The following PCDHGB4 variants were observed in gnomAD, a reference collection of about 807,000 sequenced individuals.
PCDHGB4 encodes protocadherin gamma subfamily B, 4, also known as protocadherin gamma-B4.
PCDHGB4 carries 38 observed loss-of-function variants against 60.5 expected under a neutral mutation model. The ratio of observed to expected loss-of-function variants is 0.63; its 90% CI spans 0.48 to 0.82. The LOEUF is 0.82. Among genes scored for constraint, PCDHGB4 ranks in the 40% least tolerant of loss-of-function variants. The probability of loss-of-function intolerance (pLI) is 0.00; values close to 1 mark genes in which losing one functional copy is unlikely to be tolerated. For missense variants in PCDHGB4, 1,109 were observed against 1,209.6 expected, an observed-to-expected ratio of 0.92 and a Z score of 1.23; for synonymous variants, 456 against 509.7, an observed-to-expected ratio of 0.89 and a Z score of 1.42.
At chr5:141,464,931 G>T (rs2099093694) in intron 1 of PCDHGB4, among the ~76,000 whole-genome samples, 1 of 151,942 alleles carries the variant, frequency 6.6e-6, no homozygotes, top group Non-Finnish European at 1.5e-5. Context: ...GTAGAGATGT[G>T]AGGTCTCACT....
intron 1 of PCDHGB4, chr5:141,394,736 C>A: frequency 6.2e-7 from 1 of 1,613,456 alleles, no homozygotes; most frequent in Non-Finnish European, 8.5e-7. Flanking sequence ...TCAAGCAGAG[C>A]CTCGTGGTGG....
intron 1 of PCDHGB4, chr5:141,417,651 A>C: frequency 1.2e-6 from 1 of 822,038 alleles, no homozygotes; most frequent in African/African-American, 1.7e-5. Context: ...CTCAGCCTCT[A>C]GCCTGGGATT....
At chr5:141,414,945 C>G in intron 1 of PCDHGB4, 2 of 1,614,098 alleles carry the variant, frequency 1.2e-6, no homozygotes, top group Non-Finnish European at 8.5e-7. Flanking sequence ...AGCCCGGCTA[C>G]CTGGTGACCA....
chr5:141,410,766 AG>A, intron 1 of PCDHGB4: 1 of 1,032,268 alleles, frequency 9.7e-7, no homozygotes, highest in Non-Finnish European at 1.3e-6. Context: ...TTTCAATTAT[AG>A]TTTTCACTAT....
rs147057088 is a variant in PCDHGB4 at position 141,432,065 on chromosome 5, A to C, written c.2397+41784A>C. 6.2e-7 allele frequency: 1 copy of C among 1,613,930 alleles called. No individual in the cohort carries two copies. Among genetic ancestry groups the C allele is most frequent in the Non-Finnish European group, 8.5e-7 (1 of 1,180,014 alleles). On this transcript the variant is annotated intron_variant, in intron 1 of 3. Coordinates refer to ENST00000519479, the MANE Select transcript of PCDHGB4 (RefSeq NM_003736.4). This position sits in a 1 kb window ranked among gnomAD's most constrained non-coding sequence, Gnocchi z 6.0. ...GGGAACCCCGCCCCTATCCACGGAA[A>C]CTCATATCTCGCTGAACGTGGCAGA...
Position 141,414,833 on chromosome 5 carries a change from G to A in PCDHGB4, c.2397+24552G>A, listed in dbSNP as rs768992312. On this transcript the variant is annotated intron_variant, in intron 1 of 3. Coordinates refer to ENST00000519479, the MANE Select transcript of PCDHGB4 (RefSeq NM_003736.4). ...CCACTCAGCAGCAACGTGTCGTTGAGCCTGTTTGTGCTGGACCAGAACGAC... is the reference window on the plus strand; with the variant it reads ...CCACTCAGCAGCAACGTGTCGTTGAACCTGTTTGTGCTGGACCAGAACGAC... 1.9e-6 allele frequency: 3 copies of A among 1,614,098 alleles called. No homozygotes were observed. In the East Asian group the frequency reaches 6.7e-5, roughly 36 times the overall value.
At chr5:141,426,451 C>A in intron 1 of PCDHGB4, 1 of 308,946 alleles carries the variant, frequency 3.2e-6, no homozygotes, top group South Asian at 3.0e-5. Flanking sequence ...GGACATGCGG[C>A]TGCATGTTCA....
At chr5:141,471,708 T>G (rs1359785951) in intron 1 of PCDHGB4, among the ~76,000 whole-genome samples, 1 of 152,138 alleles carries the variant, frequency 6.6e-6, no homozygotes, top group Non-Finnish European at 1.5e-5. Context: ...GGAATAGAAG[T>G]GCCACTTACC....
At position 141,399,438 on chromosome 5, in the gene PCDHGB4, T is replaced by G; in HGVS notation, c.2397+9157T>G. 3 of 1,613,996 alleles carry G rather than the reference T, an allele frequency of 1.9e-6. No individual in the cohort carries two copies. The South Asian group carries it at 3.3e-5, about 18-fold the overall frequency. On this transcript the variant is annotated intron_variant, in intron 1 of 3. Transcript: ENST00000519479. The stretch of plus-strand genomic sequence containing the variant: ...CCTCCAGCATAAGCGTCATCCTACA[T>G]ATCAGAGACGTCAACGATAACGCTC...
rs959855220 is a variant in PCDHGB4, at chr5:141,476,280, G to A, written c.2398-18527G>A. 4 of 1,614,010 alleles carry A rather than the reference G, an allele frequency of 2.5e-6. No individual in the cohort carries two copies. In the African/African-American group the frequency reaches 5.3e-5, roughly 22 times the overall value. On this transcript the variant is annotated intron_variant, in intron 1 of 3. Transcript: ENST00000519479. This position sits in a 1 kb window ranked among gnomAD's most constrained non-coding sequence, Gnocchi z 7.6. ...GTGGGCAACGTGGTCGCGAACCTTG[G>A]TTTGGATCTCGGTAGCCTCTCAGCC...
chr5:141,457,410 C>G (rs746966828), intron 1 of PCDHGB4, among the ~76,000 whole-genome samples: 1 of 152,182 alleles, frequency 6.6e-6, no homozygotes, highest in Non-Finnish European at 1.5e-5. Context: ...TTTCACATTA[C>G]CCATCCCTTT....
chr5:141,506,870 G>A (rs2099856877), intron 3 of PCDHGB4, among the ~76,000 whole-genome samples: 1 of 152,166 alleles, frequency 6.6e-6, no homozygotes, highest in East Asian at 1.9e-4. Flanking sequence ...GGTGGGTAGA[G>A]AACCAGGTGA....
chr5:141,414,212 A>G (rs778319178), intron 1 of PCDHGB4: 1 of 1,612,944 alleles, frequency 6.2e-7, no homozygotes, highest in Admixed American at 1.7e-5. Flanking sequence ...GATGTAAATG[A>G]CAACAGTCCA....
Position 141,418,145 on chromosome 5 carries a change from T to C in PCDHGB4, c.2397+27864T>C, listed in dbSNP as rs1329322927. On this transcript the variant is annotated intron_variant, in intron 1 of 3. Coordinates refer to ENST00000519479, the MANE Select transcript of PCDHGB4 (RefSeq NM_003736.4). ...GGACCGAATAGACCGTGAGCAAATATGCAAAGAGAGAAGAAGATGTGAGTT... is the reference window on the plus strand; with the variant it reads ...GGACCGAATAGACCGTGAGCAAATACGCAAAGAGAGAAGAAGATGTGAGTT... The C allele has an allele frequency of 5.6e-6, 9 of 1,613,934 alleles. No homozygotes were observed. In the African/African-American group the frequency reaches 8.0e-5, roughly 14 times the overall value.
Position 141,389,226 on chromosome 5 carries a change from C to G in PCDHGB4, c.1342C>G (p.Pro448Ala). 6.2e-7 allele frequency: 1 copy of G among 1,614,064 alleles called. No homozygotes were observed. Among genetic ancestry groups the G allele is most frequent in the Non-Finnish European group, 8.5e-7 (1 of 1,179,908 alleles). The change falls in exon 1 of 4, where the codon CCG becomes GCG. Residue 448 changes from proline (P) to alanine (A), a missense_variant. Pro to Ala is a conservative substitution (Grantham distance 27). Around this residue, in one of 2 missense-constraint regions of PCDHGB4, gnomAD observed 1,068 missense variants for 1,089.9 expected, o/e 0.98. Coordinates refer to ENST00000519479, the MANE Select transcript of PCDHGB4 (RefSeq NM_003736.4). ...CATTGGTGATGTAAATGACAACGCT[C>G]CGGTTTTCTCACAGTCTTCCTATAT... The part of the protein sequence containing the change: ...LHIGDVNDNA[P>A]VFSQSSYIVH...
intron 1 of PCDHGB4, chr5:141,405,386 T>C (rs2094651618): frequency 6.9e-6 from 11 of 1,595,500 alleles, no homozygotes; most frequent in Non-Finnish European, 7.7e-6. Flanking sequence ...GGTGAGTTCA[T>C]TTTTTTTCTT....
At position 141,389,463 on chromosome 5, in the gene PCDHGB4, G is replaced by C. The variant is rs1201903320; in HGVS notation, c.1579G>C (p.Glu527Gln). ...CGACCACGAGCAGCTGCGCGCCTTCGAACTCACACTGCAGGCCCGCGACCA... is the reference window on the plus strand; with the variant it reads ...CGACCACGAGCAGCTGCGCGCCTTCCAACTCACACTGCAGGCCCGCGACCA... Reference protein sequence around the residue: ...AFDHEQLRAFELTLQARDQGS... With the variant: ...AFDHEQLRAFQLTLQARDQGS... Residue 527 changes from glutamate to glutamine, a missense_variant, in exon 1 of 4, where the codon GAA becomes CAA. Glu to Gln is a conservative substitution (Grantham distance 29). This residue lies in a region of PCDHGB4 where 1,068 missense variants were observed against 1,089.9 expected (regional missense o/e 0.98). Transcript: ENST00000519479. The C allele has an allele frequency of 6.2e-7, 1 of 1,613,192 alleles. No homozygotes were observed. Among genetic ancestry groups the C allele is most frequent in the African/African-American group, 1.3e-5 (1 of 74,950 alleles).
Position 141,432,208 on chromosome 5 carries a change from G to A in PCDHGB4, c.2397+41927G>A, listed in dbSNP as rs150518735. The A allele has an allele frequency of 3.4e-5, 55 of 1,614,196 alleles. No individual in the cohort carries two copies. In the Middle Eastern group the frequency reaches 8.2e-4, roughly 24 times the overall value. Reference sequence around the variant, plus strand: ...CCGCCCACGACCCCGACTGTGAAGAGAACGCCCAGATCACTTATTCCCTGG... The same window carrying A: ...CCGCCCACGACCCCGACTGTGAAGAAAACGCCCAGATCACTTATTCCCTGG... On this transcript the variant is annotated intron_variant, in intron 1 of 3. Transcript: ENST00000519479. The surrounding 1 kb of genome is among the most constrained non-coding windows in gnomAD (Gnocchi z 6.0).
At chr5:141,430,906 C>A (rs764039566) in intron 1 of PCDHGB4, 2 of 1,606,932 alleles carry the variant, frequency 1.2e-6, no homozygotes, top group Non-Finnish European at 1.7e-6. Flanking sequence ...GCGACATCTC[C>A]AGGGACCTGG....
Sources: allele counts gnomAD v4.1 joint callset (sites outside exome capture counted in the v4.1 genomes callset), GRCh38; gene constraint gnomAD v4.1.1; regional missense constraint gnomAD v4.1.1; non-coding constraint Gnocchi (gnomAD v3.1); transcripts MANE v1.5; gene names NCBI Gene and HGNC (gene_info 2026-07-23, HGNC 2026-07-21).